Variants in GSTO1 observed in about 807,000 individuals in gnomAD.
GSTO1 encodes the protein glutathione S-transferase omega-1.
GSTO1 carries 27 observed loss-of-function variants against 23.8 expected under a neutral mutation model. The ratio of observed to expected loss-of-function variants is 1.13; its 90% CI spans 0.83 to 1.56. The LOEUF is 1.56. GSTO1 is among the 40% of genes most tolerant of loss of function. The probability of loss-of-function intolerance (pLI) is 0.00; values close to 1 mark genes in which losing one functional copy is unlikely to be tolerated. For synonymous variants in GSTO1, 105 were observed against 109.3 expected (o/e 0.96, Z 0.25); for missense variants, 255 against 285.8 (o/e 0.89, Z 0.78).
intron 3 of GSTO1, among the ~76,000 whole-genome samples, chr10:104,262,740 G>A (rs977026731): frequency 6.6e-6 from 1 of 152,100 alleles, no homozygotes; most frequent in African/African-American, 2.4e-5. Context: ...TTTCTTAAAC[G>A]TGCCAGGGTA....
intron 4 of GSTO1, among the ~76,000 whole-genome samples, chr10:104,263,915 A>AT (rs571250429): frequency 1.5e-3 from 220 of 146,830 alleles, no homozygotes; most frequent in African/African-American, 2.9e-3. Flanking sequence ...CTATTGACAA[A>AT]TTTTTTTTTT....
At chr10:104,261,484 C>G (rs1334685550) in intron 3 of GSTO1, among the ~76,000 whole-genome samples, 2 of 152,084 alleles carry the variant, frequency 1.3e-5, no homozygotes, top group African/African-American at 4.8e-5. Context: ...AGAACTAAGA[C>G]AGTAAAGGTT....
intron 3 of GSTO1, among the ~76,000 whole-genome samples, chr10:104,260,137 C>T (rs887413738): frequency 1.6e-4 from 24 of 152,152 alleles, no homozygotes; most frequent in African/African-American, 5.8e-4. Context: ...ATGTCTGCTC[C>T]GACACTGCTG....
chr10:104,254,448 A>AT (rs1338043787), upstream of GSTO1: 1 of 160,972 alleles, frequency 6.2e-6, no homozygotes, highest in Non-Finnish European at 1.4e-5. Flanking sequence ...AGAGATTTTT[A>AT]TTTTCCCTTC....
In GSTO1 at chr10:104,254,942, C is replaced by G; in HGVS notation, c.14C>G (p.Ser5Ter). Residue 5 changes from serine to a stop codon, truncating the protein, a stop_gained, in exon 1 of 6, where the codon TCA becomes TGA. Transcript: ENST00000369713. LOFTEE classifies it high-confidence loss of function. The part of the protein sequence containing the change: MSGE[S>*]ARSLGKGSAP... ...CGCTGCGCCACGATGTCCGGGGAGTCAGCCAGGAGCTTGGGGAAGGGTGAG... is the reference window on the plus strand; with the variant it reads ...CGCTGCGCCACGATGTCCGGGGAGTGAGCCAGGAGCTTGGGGAAGGGTGAG... 14 of 1,611,040 alleles carry G rather than the reference C, an allele frequency of 8.7e-6. No individual in the cohort carries two copies. Among genetic ancestry groups the G allele is most frequent in the Non-Finnish European group, 1.2e-5 (14 of 1,179,122 alleles).
At chr10:104,256,184 T>G (rs937098283) in intron 2 of GSTO1, among the ~76,000 whole-genome samples, 2 of 152,218 alleles carry the variant, frequency 1.3e-5, no homozygotes, top group African/African-American at 4.8e-5. Flanking sequence ...TTGTCATTAC[T>G]TCACTAAGAA....
Position 104,255,201 on chromosome 10 carries a change from C to A in GSTO1, c.73C>A (p.Arg25Ser). The change falls in exon 2 of 6, where the codon CGC becomes AGC. Residue 25 changes from arginine to serine, a missense_variant. Coordinates refer to ENST00000369713, the MANE Select transcript of GSTO1 (RefSeq NM_004832.3). ...GGGGCCGGTCCCGGAGGGCTCGATCCGCATCTACAGCATGAGGTTCTGCCC... is the reference window on the plus strand; with the variant it reads ...GGGGCCGGTCCCGGAGGGCTCGATCAGCATCTACAGCATGAGGTTCTGCCC... ...PPGPVPEGSI[R>S]IYSMRFCPFA... The A allele has an allele frequency of 6.2e-7, 1 of 1,613,910 alleles. No individual in the cohort carries two copies. Among genetic ancestry groups the A allele is most frequent in the Non-Finnish European group, 8.5e-7 (1 of 1,179,842 alleles).
chr10:104,267,180 A>G, intron 5 of GSTO1, 72 bp from the exon 6 acceptor site: 1 of 905,472 alleles, frequency 1.1e-6, no homozygotes, highest in Non-Finnish European at 1.7e-6. Flanking sequence ...AGTAATAATT[A>G]CATATGGGAG....
intron 2 of GSTO1, among the ~76,000 whole-genome samples, 193 bp downstream of exon 2, chr10:104,255,464 A>G (rs1368964076): frequency 2.0e-5 from 3 of 152,214 alleles, no homozygotes; most frequent in Admixed American, 6.5e-5. Context: ...CACAGATTCC[A>G]ACGGTCTAGG....
intron 5 of GSTO1, among the ~76,000 whole-genome samples, chr10:104,266,796 G>A (rs900756855): frequency 2.0e-5 from 3 of 151,694 alleles, no homozygotes; most frequent in South Asian, 2.1e-4. Flanking sequence ...GGGATTGTAC[G>A]ACCAGTGTTA....
intron 2 of GSTO1, among the ~76,000 whole-genome samples, chr10:104,257,580 A>G (rs1162399004): frequency 6.6e-6 from 1 of 152,134 alleles, no homozygotes; most frequent in Non-Finnish European, 1.5e-5. Context: ...GGTTTAAGCA[A>G]TCCGCCCACT....
intron 4 of GSTO1, among the ~76,000 whole-genome samples, chr10:104,264,705 G>A (rs1004405063): frequency 6.6e-6 from 1 of 152,124 alleles, no homozygotes; most frequent in Non-Finnish European, 1.5e-5. Flanking sequence ...TATCATAAGT[G>A]GAAAATGCAT....
rs529664287 is a variant in GSTO1, at chr10:104,266,647, G to T, written c.572+457G>T. ...AGCTACTCGGGAGGCTGAGGCAGGA[G>T]AATCACTTGAACCCGGGAGGCAGTT... On this transcript the variant is annotated intron_variant, in intron 5 of 5. Coordinates refer to ENST00000369713, the MANE Select transcript of GSTO1 (RefSeq NM_004832.3). Among the ~76,000 whole-genome samples the T allele has an allele frequency of 5.3e-5, 8 of 151,734 alleles. No individual in the cohort carries two copies. The East Asian group carries it at 1.5e-3, about 29-fold the overall frequency.
At chr10:104,264,615 T>G (rs1233363937) in intron 4 of GSTO1, among the ~76,000 whole-genome samples, 1 of 152,252 alleles carries the variant, frequency 6.6e-6, no homozygotes, top group Non-Finnish European at 1.5e-5. Flanking sequence ...TAATCCAGTC[T>G]ATTTCCAGTA....
At chr10:104,255,347 A>C in intron 2 of GSTO1, 76 bp downstream of exon 2, 1 of 914,608 alleles carries the variant, frequency 1.1e-6, no homozygotes, top group Non-Finnish European at 1.8e-6. Context: ...GTGGGGTCTC[A>C]GCCCCCTTCT....
chr10:104,259,943 T>C, intron 3 of GSTO1, 145 bp downstream of exon 3: 1 of 626,982 alleles, frequency 1.6e-6, no homozygotes, highest in Admixed American at 2.9e-5. Flanking sequence ...GCAAGTCCTT[T>C]CACGATCCAG....
intron 2 of GSTO1, among the ~76,000 whole-genome samples, chr10:104,258,272 A>C (rs2011110607): frequency 6.6e-6 from 1 of 152,280 alleles, no homozygotes; most frequent in Non-Finnish European, 1.5e-5. Flanking sequence ...AAATTCAAGG[A>C]ATATAAAAAC....
Position 104,267,333 on chromosome 10 carries a change from T to G in GSTO1, c.654T>G (p.Ser218Arg). ...CCACAGTCTCAGCCCTGCTTACTAG[T>G]GAGAAAGACTGGCAAGGTTTCCTAG... ...EDPTVSALLT[S>R]EKDWQGFLEL... Residue 218 changes from serine (S) to arginine (R), a missense_variant, in exon 6 of 6, where the codon AGT becomes AGG. Coordinates refer to ENST00000369713, the MANE Select transcript of GSTO1 (RefSeq NM_004832.3). The G allele has an allele frequency of 1.2e-6, 2 of 1,613,576 alleles. No homozygotes were observed. Among genetic ancestry groups the G allele is most frequent in the Middle Eastern group, 1.6e-4 (1 of 6,062 alleles).
At chr10:104,260,019 A>T (rs981924901) in intron 3 of GSTO1, among the ~76,000 whole-genome samples, 4 of 152,186 alleles carry the variant, frequency 2.6e-5, no homozygotes, top group Non-Finnish European at 2.9e-5. Context: ...TGCCAGCCAT[A>T]CTAAACTTTT....
Sources: gnomAD v4.1 joint callset for allele counts (sites outside exome capture counted in the v4.1 genomes callset) on GRCh38, gnomAD v4.1.1 for gene constraint, MANE v1.5 for transcripts, NCBI Gene and HGNC (gene_info 2026-07-23, HGNC 2026-07-21) for gene names.